Variants in RTN4RL1 observed in about 807,000 individuals in gnomAD.
RTN4RL1 encodes the protein reticulon 4 receptor like 1, also known as reticulon-4 receptor-like 1.
In RTN4RL1, 7 loss-of-function variants were observed where a neutral mutation model predicts 25.6. The observed-to-expected ratio is 0.27, with a 90% CI of 0.16 to 0.51. The LOEUF is 0.51. Ranked by LOEUF, RTN4RL1 falls within the 20% of genes least tolerant of loss-of-function variation. The probability of loss-of-function intolerance (pLI) is 0.97; values close to 1 mark genes in which losing one functional copy is unlikely to be tolerated. For synonymous variants in RTN4RL1, 297 were observed against 288.2 expected (o/e 1.03, Z -0.31); for missense variants, 500 against 615.6 (o/e 0.81, Z 1.99).
Position 1,935,753 on chromosome 17 carries a change from A to ATATG in RTN4RL1, c.*742_*743insCATA, listed in dbSNP as rs1915289152. 1 of 307,992 alleles carries ATATG rather than the reference A, an allele frequency of 3.2e-6. No individual in the cohort carries two copies. Among genetic ancestry groups the ATATG allele is most frequent in the Non-Finnish European group, 4.5e-6 (1 of 222,716 alleles). 19.1% of individuals were successfully genotyped at this position (307,992 alleles called of 1,614,324 possible). On this transcript the variant is annotated 3_prime_UTR_variant, in exon 2 of 2. Coordinates refer to ENST00000331238, the MANE Select transcript of RTN4RL1 (RefSeq NM_178568.4). ...TATATATATATATATATATATATAT[A>ATATG]TGTAGAGTGTGAATATATATAAGTG... is the stretch of plus-strand genomic sequence containing the variant.
intron 1 of RTN4RL1, among the ~76,000 whole-genome samples, chr17:1,987,276 G>A (rs978836155): frequency 1.3e-5 from 2 of 152,050 alleles, no homozygotes; most frequent in Non-Finnish European, 2.9e-5. Flanking sequence ...ATCAACACCT[G>A]CTCCCAGGCC....
At chr17:2,017,147 A>G (rs937232973) in intron 1 of RTN4RL1, among the ~76,000 whole-genome samples, 1 of 152,126 alleles carries the variant, frequency 6.6e-6, no homozygotes, top group Non-Finnish European at 1.5e-5. Context: ...GGCCCCCTTC[A>G]CTGCGTGCTG....
Position 1,998,571 on chromosome 17 carries a change from C to T in RTN4RL1, c.13+26282G>A, listed in dbSNP as rs1567520455. Among the ~76,000 whole-genome samples, 1 of 152,108 alleles carries T rather than the reference C, an allele frequency of 6.6e-6. No individual in the cohort carries two copies. On this transcript the variant is annotated intron_variant, in intron 1 of 1. Coordinates refer to ENST00000331238, the MANE Select transcript of RTN4RL1 (RefSeq NM_178568.4). This position sits in a 1 kb window ranked among gnomAD's most constrained non-coding sequence, Gnocchi z 4.9. Reference sequence around the variant, plus strand: ...GGATCCCCGGCGGCTTTCCTGCCCCCACTTTACAGACGTGAACGCTGAGGC... The same window carrying T: ...GGATCCCCGGCGGCTTTCCTGCCCCTACTTTACAGACGTGAACGCTGAGGC...
intron 1 of RTN4RL1, among the ~76,000 whole-genome samples, chr17:1,952,289 G>C (rs1915698398): frequency 6.6e-6 from 1 of 150,622 alleles, no homozygotes; most frequent in Non-Finnish European, 1.5e-5. Context: ...GGGCAGCGGA[G>C]AAACGGGGCT....
chr17:1,951,513 G>A (rs542677176), intron 1 of RTN4RL1, among the ~76,000 whole-genome samples: 6 of 151,814 alleles, frequency 4.0e-5, no homozygotes, highest in Admixed American at 6.6e-5. Flanking sequence ...GTGCAGTGGT[G>A]CGATCTCGGC....
intron 1 of RTN4RL1, among the ~76,000 whole-genome samples, chr17:2,022,442 A>G (rs2067220959): frequency 6.6e-6 from 1 of 152,128 alleles, no homozygotes; most frequent in Non-Finnish European, 1.5e-5. Context: ...ATGAGCCACC[A>G]CACCTGGCCT....
At chr17:1,938,490 C>T (rs942823294) in intron 1 of RTN4RL1, among the ~76,000 whole-genome samples, 2 of 151,396 alleles carry the variant, frequency 1.3e-5, no homozygotes, top group South Asian at 2.1e-4. Context: ...TTAGTAGAGA[C>T]GGGGTTTCTC....
In RTN4RL1 at chr17:1,994,428, C is replaced by T. The variant is rs1267914222; in HGVS notation, c.13+30425G>A. ...GGTCCCTCCTCGGGCAAAAGCAGGG[C>T]GAGTACTGCCCAAGTCCTGAATATC... On this transcript the variant is annotated intron_variant, in intron 1 of 1. Coordinates refer to ENST00000331238, the MANE Select transcript of RTN4RL1 (RefSeq NM_178568.4). The surrounding 1 kb of genome is among the most constrained non-coding windows in gnomAD (Gnocchi z 4.3). Among the ~76,000 whole-genome samples, 2 of 152,252 alleles carry T rather than the reference C, an allele frequency of 1.3e-5. No homozygotes were observed. The highest frequency in any genetic ancestry group is 6.5e-5 in the Admixed American group (1 of 15,288).
intron 1 of RTN4RL1, among the ~76,000 whole-genome samples, chr17:1,968,003 G>A (rs1043178779): frequency 1.3e-5 from 2 of 151,918 alleles, no homozygotes; most frequent in Non-Finnish European, 1.5e-5. Flanking sequence ...TCCCCCTCTC[G>A]GTTTCCTTGA....
At chr17:1,962,385 TCTCA>T (rs2066768650) in intron 1 of RTN4RL1, among the ~76,000 whole-genome samples, 1 of 151,668 alleles carries the variant, frequency 6.6e-6, no homozygotes, top group South Asian at 2.1e-4. Flanking sequence ...TGAGATGGGG[TCTCA>T]CTCTGTCGCC....
chr17:1,969,947 C>T (rs2066810557), intron 1 of RTN4RL1, among the ~76,000 whole-genome samples: 1 of 151,344 alleles, frequency 6.6e-6, no homozygotes, highest in Admixed American at 6.6e-5. Context: ...CATTTGGGAA[C>T]TGAGTTATGA....
At chr17:1,985,485 G>C (rs749240067) in intron 1 of RTN4RL1, among the ~76,000 whole-genome samples, 8 of 152,146 alleles carry the variant, frequency 5.3e-5, no homozygotes, top group East Asian at 1.9e-4. Context: ...GCTTCACTGG[G>C]GGACAATTAA....
intron 1 of RTN4RL1, among the ~76,000 whole-genome samples, chr17:1,954,428 AC>A (rs1253526568): frequency 8.3e-6 from 1 of 120,462 alleles, no homozygotes; most frequent in African/African-American, 3.4e-5. Context: ...CGCTCTTGCC[AC>A]CCAGACTGGA....
Position 1,936,355 on chromosome 17 carries a change from C to G in RTN4RL1, c.*141G>C. The G allele has an allele frequency of 4.9e-6, 7 of 1,437,608 alleles. No homozygotes were observed. Among genetic ancestry groups the G allele is most frequent in the Non-Finnish European group, 6.4e-6 (7 of 1,101,686 alleles). The allele number at this position is 1,437,608 out of a possible 1,614,324, so 89.1% of individuals were successfully genotyped here. A position where few individuals can be genotyped will look rare whatever the true frequency, so the allele number is the denominator to read the frequency against. On this transcript the variant is annotated 3_prime_UTR_variant, in exon 2 of 2. Coordinates refer to ENST00000331238, the MANE Select transcript of RTN4RL1 (RefSeq NM_178568.4). Reference sequence around the variant, plus strand: ...GGGTTTATAATCCACATGGCAGGGTCCAGACGTCCAGACAGCAGCCGAAGG... The same window carrying G: ...GGGTTTATAATCCACATGGCAGGGTGCAGACGTCCAGACAGCAGCCGAAGG...
At chr17:1,944,079 C>T (rs553761471) in intron 1 of RTN4RL1, among the ~76,000 whole-genome samples, 2 of 152,266 alleles carry the variant, frequency 1.3e-5, no homozygotes, top group East Asian at 3.9e-4. Context: ...GCCCACACCA[C>T]CACGCTCCGT....
chr17:2,024,712 C>G (rs1317591916), intron 1 of RTN4RL1, 141 bp downstream of exon 1: 1 of 728,650 alleles, frequency 1.4e-6, no homozygotes, highest in Non-Finnish European at 2.2e-6. Flanking sequence ...AGCAGCCCCT[C>G]GGCGGGTGCG....
chr17:2,019,001 T>C (rs1023378809), intron 1 of RTN4RL1: 5 of 152,216 alleles, frequency 3.3e-5, no homozygotes, highest in Non-Finnish European at 5.9e-5. Context: ...CTGGGACTCA[T>C]TCTAGTGATG....
chr17:1,944,518 C>T (rs1435097658), intron 1 of RTN4RL1, among the ~76,000 whole-genome samples: 3 of 152,112 alleles, frequency 2.0e-5, no homozygotes, highest in Non-Finnish European at 4.4e-5. Context: ...TGCAGTGGTG[C>T]GATCTCGGCT....
chr17:1,962,287 A>G (rs1432934982), intron 1 of RTN4RL1, among the ~76,000 whole-genome samples: 3 of 151,880 alleles, frequency 2.0e-5, no homozygotes, highest in African/African-American at 7.2e-5. Flanking sequence ...TGGAAAAAAA[A>G]AAAAGAAAGT....
Sources: gnomAD v4.1 joint callset for allele counts (sites outside exome capture counted in the v4.1 genomes callset) on GRCh38, gnomAD v4.1.1 for gene constraint, Gnocchi (gnomAD v3.1) non-coding constraint, MANE v1.5 for transcripts, NCBI Gene and HGNC (gene_info 2026-07-23, HGNC 2026-07-21) for gene names.